Variants in CAMK1D observed in about 807,000 individuals in gnomAD.
The protein encoded by CAMK1D is calcium/calmodulin-dependent protein kinase type 1D.
A neutral mutation model predicts 47.7 loss-of-function variants in CAMK1D; 9 were observed. The observed-to-expected ratio is 0.19, with a 90% CI of 0.11 to 0.33. CAMK1D has a LOEUF of 0.33. Ranked by LOEUF, CAMK1D falls within the 10% of genes least tolerant of loss-of-function variation. The pLI, the probability that CAMK1D is intolerant of heterozygous loss-of-function variation, is 1.00. For missense variants in CAMK1D, 291 were observed against 488.7 expected, an observed-to-expected ratio of 0.60 and a Z score of 3.81; for synonymous variants, 184 against 184.9, an observed-to-expected ratio of 0.99 and a Z score of 0.04.
At chr10:12,594,039 G>T (rs919162589) in intron 2 of CAMK1D, among the ~76,000 whole-genome samples, 27 of 152,298 alleles carry the variant, frequency 1.8e-4, no homozygotes, top group African/African-American at 6.0e-4. Flanking sequence ...AGCCTGGCGT[G>T]GTGGCACATG....
At chr10:12,359,460 G>T (rs910583837) in intron 1 of CAMK1D, among the ~76,000 whole-genome samples, 2 of 151,820 alleles carry the variant, frequency 1.3e-5, no homozygotes, top group African/African-American at 4.8e-5. Context: ...GCCCAGCTCC[G>T]GTGCTGGAGT....
intron 1 of CAMK1D, among the ~76,000 whole-genome samples, chr10:12,482,784 T>C (rs1834102899): frequency 6.6e-6 from 1 of 152,160 alleles, no homozygotes; most frequent in African/African-American, 2.4e-5. Flanking sequence ...AGGGCTAATT[T>C]TGGTCTCTGA....
chr10:12,463,569 A>G (rs1434447176), intron 1 of CAMK1D, among the ~76,000 whole-genome samples: 1 of 152,040 alleles, frequency 6.6e-6, no homozygotes, highest in Non-Finnish European at 1.5e-5. Context: ...ACATGAATTC[A>G]TAATCTGCCA....
intron 1 of CAMK1D, among the ~76,000 whole-genome samples, chr10:12,506,518 CTT>C (rs1035531862): frequency 3.3e-5 from 5 of 151,782 alleles, no homozygotes; most frequent in African/African-American, 9.7e-5. Flanking sequence ...CTCTTTCTCT[CTT>C]TCTTTTTTTT....
At chr10:12,385,091 G>A (rs1838451342) in intron 1 of CAMK1D, among the ~76,000 whole-genome samples, 1 of 152,182 alleles carries the variant, frequency 6.6e-6, no homozygotes, top group Non-Finnish European at 1.5e-5. Flanking sequence ...GTAATAAAAA[G>A]ATAGATAATA....
rs61336871 is a variant in CAMK1D at position 12,513,868 on chromosome 10, T to C, written c.93-39357T>C. Among the ~76,000 whole-genome samples, 429 of 152,298 alleles carry C rather than the reference T, an allele frequency of 2.8e-3. 1 individual carries two copies. Among genetic ancestry groups the C allele is most frequent in the African/African-American group, 0.01 (421 of 41,582 alleles). On this transcript the variant is annotated intron_variant, in intron 1 of 10. Coordinates refer to ENST00000619168, the MANE Select transcript of CAMK1D (RefSeq NM_153498.4). ...AACTGATGGTGCATTATCCAGTGTTTAGAGTGAATTCAAAACTCAAAAGTA... is the reference window on the plus strand; with the variant it reads ...AACTGATGGTGCATTATCCAGTGTTCAGAGTGAATTCAAAACTCAAAAGTA...
intron 1 of CAMK1D, among the ~76,000 whole-genome samples, chr10:12,409,996 T>C (rs1277694877): frequency 6.6e-6 from 1 of 152,262 alleles, no homozygotes; most frequent in Non-Finnish European, 1.5e-5. Context: ...TACCCTGATG[T>C]CTTCAGGGCT....
intron 1 of CAMK1D, among the ~76,000 whole-genome samples, chr10:12,400,014 A>G (rs938741013): frequency 2.0e-5 from 3 of 152,216 alleles, no homozygotes; most frequent in African/African-American, 7.2e-5. Context: ...TTTCTCCCCT[A>G]GGAGCAATGG....
At chr10:12,356,061 C>G (rs934532063) in intron 1 of CAMK1D, among the ~76,000 whole-genome samples, 11 of 151,936 alleles carry the variant, frequency 7.2e-5, no homozygotes, top group African/African-American at 2.4e-4. Context: ...GGGAGCCTGC[C>G]TGGGATTTTG....
At chr10:12,662,746 A>G (rs934527813) in intron 2 of CAMK1D, among the ~76,000 whole-genome samples, 2 of 152,134 alleles carry the variant, frequency 1.3e-5, no homozygotes, top group African/African-American at 2.4e-5. Context: ...GTAATTAACT[A>G]TGTGCCATGC....
At chr10:12,357,522 C>T (rs887271834) in intron 1 of CAMK1D, among the ~76,000 whole-genome samples, 18 of 152,108 alleles carry the variant, frequency 1.2e-4, no homozygotes, top group Admixed American at 6.6e-5. Context: ...CAACGTGTTG[C>T]CCAGGCTGGT....
At chr10:12,478,144 T>C (rs1016997160) in intron 1 of CAMK1D, among the ~76,000 whole-genome samples, 4 of 151,490 alleles carry the variant, frequency 2.6e-5, no homozygotes, top group Non-Finnish European at 4.4e-5. Flanking sequence ...TAGCTGGGAC[T>C]ACAGGTGCCC....
chr10:12,668,059 A>T (rs1423954734), intron 3 of CAMK1D, among the ~76,000 whole-genome samples: 2 of 152,156 alleles, frequency 1.3e-5, no homozygotes, highest in Non-Finnish European at 2.9e-5. Flanking sequence ...CTTCTTGGTT[A>T]CCATGTTAAC....
At chr10:12,560,518 A>C (rs915836157) in intron 2 of CAMK1D, among the ~76,000 whole-genome samples, 10 of 149,642 alleles carry the variant, frequency 6.7e-5, no homozygotes, top group Non-Finnish European at 1.3e-4. Flanking sequence ...GCACCACTGC[A>C]CTTCAGCCTG....
At chr10:12,363,048 C>A (rs1392499037) in intron 1 of CAMK1D, among the ~76,000 whole-genome samples, 1 of 150,638 alleles carries the variant, frequency 6.6e-6, no homozygotes, top group Non-Finnish European at 1.5e-5. Context: ...ACAAGCAATT[C>A]TCCTGTCTCA....
At chr10:12,377,403 A>T (rs1838215750) in intron 1 of CAMK1D, among the ~76,000 whole-genome samples, 1 of 152,220 alleles carries the variant, frequency 6.6e-6, no homozygotes, top group African/African-American at 2.4e-5. Context: ...TTGTCCTCTT[A>T]TATGAGTGGA....
intron 1 of CAMK1D, among the ~76,000 whole-genome samples, chr10:12,533,123 G>A (rs2768466): frequency 0.61 from 92,946 of 151,990 alleles, 28,489 homozygotes; most frequent in South Asian, 0.73. Context: ...GAGGGGATGG[G>A]TACCCCATTC....
intron 3 of CAMK1D, among the ~76,000 whole-genome samples, chr10:12,688,579 G>A (rs534602924): frequency 1.3e-5 from 2 of 152,276 alleles, no homozygotes; most frequent in South Asian, 2.1e-4. Flanking sequence ...AGGTCGTGAC[G>A]TTGTGCAGAT....
At chr10:12,593,447 A>G (rs1838054629) in intron 2 of CAMK1D, among the ~76,000 whole-genome samples, 1 of 152,096 alleles carries the variant, frequency 6.6e-6, no homozygotes, top group Admixed American at 6.5e-5. Context: ...AAAATTAGCC[A>G]GGCATGGTGG....
Sources: gnomAD v4.1 joint callset for allele counts (sites outside exome capture counted in the v4.1 genomes callset) on GRCh38, gnomAD v4.1.1 for gene constraint, MANE v1.5 for transcripts, NCBI Gene and HGNC (gene_info 2026-07-23, HGNC 2026-07-21) for gene names.